Variants in HTR1D observed in about 807,000 individuals in gnomAD.
HTR1D encodes 5-hydroxytryptamine receptor 1D.
HTR1D carries 18 observed loss-of-function variants against 21.1 expected under a neutral mutation model. The ratio of observed to expected loss-of-function variants is 0.85; its 90% CI spans 0.59 to 1.27. The LOEUF is 1.27. Ranked by LOEUF, HTR1D falls within the 50% of genes most tolerant of loss-of-function variation. HTR1D has a pLI of 0.00. For missense variants in HTR1D, 456 were observed against 481.4 expected (o/e 0.95, Z 0.49); for synonymous variants, 196 against 204.4 (o/e 0.96, Z 0.35).
Position 23,192,329 on chromosome 1 carries a change from C to G in HTR1D, c.*757G>C, listed in dbSNP as rs897167784. The G allele has an allele frequency of 1.3e-5, 2 of 152,744 alleles. No individual in the cohort carries two copies. Among genetic ancestry groups the G allele is most frequent in the Middle Eastern group, 6.8e-3 (2 of 294 alleles). 9.5% of individuals were successfully genotyped at this position (152,744 alleles called of 1,614,324 possible). A position where few individuals can be genotyped will look rare whatever the true frequency, so the allele number is the denominator to read the frequency against. ...TGGATATTATTTTCCAATCAAGGTG[C>G]CACACAGAATGGAGACCCATCCTGG... is the stretch of plus-strand genomic sequence containing the variant. On this transcript the variant is annotated 3_prime_UTR_variant, in exon 2 of 2. Coordinates refer to ENST00000374619, the MANE Select transcript of HTR1D (RefSeq NM_000864.5).
Position 23,193,846 on chromosome 1 carries a change from G to A in HTR1D, c.374C>T (p.Ser125Phe), listed in dbSNP as rs574694014. ...AGCAATGACACAGAGATGCAGGATGGAGGCTGTGCAGCACGTGATGTCAGA... is the reference window on the plus strand; with the variant it reads ...AGCAATGACACAGAGATGCAGGATGAAGGCTGTGCAGCACGTGATGTCAGA... ...LSSDITCCTASILHLCVIALD... is the reference protein window; with the variant it reads ...LSSDITCCTAFILHLCVIALD... The change falls in exon 2 of 2, where the codon TCC (serine) becomes TTC (phenylalanine). Residue 125 changes from serine to phenylalanine, a missense_variant. Ser to Phe is a radical substitution (Grantham distance 155). Transcript: ENST00000374619. 9.3e-6 allele frequency: 15 copies of A among 1,614,244 alleles called. No individual in the cohort carries two copies. The South Asian group carries it at 1.4e-4, about 15-fold the overall frequency.
chr1:23,204,883 C>T (rs190629467), intron 1 of HTR1D, among the ~76,000 whole-genome samples: 1 of 152,280 alleles, frequency 6.6e-6, no homozygotes, highest in Non-Finnish European at 1.5e-5. Flanking sequence ...AGCAGAAATG[C>T]CCAGCCAAGG....
intron 1 of HTR1D, among the ~76,000 whole-genome samples, chr1:23,201,637 G>A (rs955264473): frequency 2.0e-4 from 30 of 152,048 alleles, no homozygotes; most frequent in Admixed American, 5.9e-4. Flanking sequence ...CTGCAGCCTC[G>A]ATCTCCCAGG....
At chr1:23,209,242 G>T (rs989306630) in intron 1 of HTR1D, among the ~76,000 whole-genome samples, 1 of 152,064 alleles carries the variant, frequency 6.6e-6, no homozygotes, top group Admixed American at 6.6e-5. Flanking sequence ...CAGGTGATCC[G>T]TCCGCCTCGG....
chr1:23,193,758 G>C lies in HTR1D; in HGVS notation c.462C>G (p.His154Gln). Residue 154 changes from histidine (H) to glutamine (Q), a missense_variant, in exon 2 of 2, where the codon CAC becomes CAG. Physicochemically the swap from His to Gln is conservative, Grantham distance 24. Transcript: ENST00000374619. ...LEYSKRRTAGHAATMIAIVWA... is the reference protein window; with the variant it reads ...LEYSKRRTAGQAATMIAIVWA... Reference sequence around the variant, plus strand: ...AGACAATGGCGATCATGGTGGCCGCGTGGCCAGCCGTCCTGCGTTTACTGT... The same window carrying C: ...AGACAATGGCGATCATGGTGGCCGCCTGGCCAGCCGTCCTGCGTTTACTGT... 4 of 1,614,138 alleles carry C rather than the reference G, an allele frequency of 2.5e-6. No individual in the cohort carries two copies. Among genetic ancestry groups the C allele is most frequent in the Non-Finnish European group, 3.4e-6 (4 of 1,180,004 alleles).
intron 1 of HTR1D, among the ~76,000 whole-genome samples, chr1:23,215,855 G>A (rs1413220433): frequency 6.6e-6 from 1 of 152,110 alleles, no homozygotes; most frequent in African/African-American, 2.4e-5. Context: ...GCTGCACTGG[G>A]ACTTACTTGT....
Position 23,193,758 on chromosome 1 carries a change from G to A in HTR1D, c.462C>T (p.His154=), listed in dbSNP as rs756080911. Residue 154 remains histidine (H), a synonymous_variant, in exon 2 of 2, where the codon CAC becomes CAT. Transcript: ENST00000374619. The stretch of plus-strand genomic sequence containing the variant: ...AGACAATGGCGATCATGGTGGCCGC[G>A]TGGCCAGCCGTCCTGCGTTTACTGT... ...LEYSKRRTAG[H]AATMIAIVWA... The A allele has an allele frequency of 9.9e-6, 16 of 1,614,020 alleles. No individual in the cohort carries two copies. The highest frequency in any genetic ancestry group is 5.0e-5 in the Admixed American group (3 of 59,998).
chr1:23,195,944 T>C (rs1446985281), intron 1 of HTR1D, among the ~76,000 whole-genome samples: 1 of 152,012 alleles, frequency 6.6e-6, no homozygotes, highest in East Asian at 1.9e-4. Flanking sequence ...CCTCCAACCT[T>C]AGCCTCCCAA....
rs1354645416 is a variant in HTR1D, at chr1:23,194,242, C to T, written c.-23G>A. The T allele has an allele frequency of 6.3e-7, 1 of 1,595,050 alleles. No individual in the cohort carries two copies. Among genetic ancestry groups the T allele is most frequent in the African/African-American group, 1.3e-5 (1 of 74,234 alleles). Reference sequence around the variant, plus strand: ...CATGCTAGGTGGCTCTCTCTTCCCACAGACCTCCACACATTTGGCTCCTTC... The same window carrying T: ...CATGCTAGGTGGCTCTCTCTTCCCATAGACCTCCACACATTTGGCTCCTTC... On this transcript the variant is annotated 5_prime_UTR_variant, in exon 2 of 2. In the 5' UTR this introduces an upstream ATG that the reference lacks. Transcript: ENST00000374619.
At chr1:23,215,526 G>A (rs1161524889) in intron 1 of HTR1D, among the ~76,000 whole-genome samples, 2 of 152,226 alleles carry the variant, frequency 1.3e-5, no homozygotes, top group Non-Finnish European at 2.9e-5. Context: ...GGAAACATCT[G>A]TGCAATGAAA....
At chr1:23,208,919 A>G (rs544927621) in intron 1 of HTR1D, among the ~76,000 whole-genome samples, 1 of 152,324 alleles carries the variant, frequency 6.6e-6, no homozygotes, top group South Asian at 2.1e-4. Flanking sequence ...AAAATATCTC[A>G]CTAATAAATG....
Position 23,193,266 on chromosome 1 carries a change from G to A in HTR1D, c.954C>T (p.Phe318=), listed in dbSNP as rs1458547229. 4.3e-6 allele frequency: 7 copies of A among 1,614,038 alleles called. No individual in the cohort carries two copies. Among genetic ancestry groups the A allele is most frequent in the Admixed American group, 3.3e-5 (2 of 59,980 alleles). ...AGATGGGGAGGACCAGAGACACCACGAAGAAGGGCAGCCAGCAGATGATAA... is the reference window on the plus strand; with the variant it reads ...AGATGGGGAGGACCAGAGACACCACAAAGAAGGGCAGCCAGCAGATGATAA... The part of the protein sequence containing the change: ...GAFIICWLPF[F]VVSLVLPICR... The change falls in exon 2 of 2, where the codon TTC becomes TTT. Residue 318 remains phenylalanine (F), a synonymous_variant. Coordinates refer to ENST00000374619, the MANE Select transcript of HTR1D (RefSeq NM_000864.5).
intron 1 of HTR1D, among the ~76,000 whole-genome samples, chr1:23,205,674 G>A (rs1644727298): frequency 6.6e-6 from 1 of 152,166 alleles, no homozygotes; most frequent in Non-Finnish European, 1.5e-5. Flanking sequence ...CTCCCGAGTA[G>A]CTGGGATTAC....
At chr1:23,204,733 T>G (rs1476151204) in intron 1 of HTR1D, among the ~76,000 whole-genome samples, 1 of 152,212 alleles carries the variant, frequency 6.6e-6, no homozygotes, top group African/African-American at 2.4e-5. Context: ...TTGCACTCTG[T>G]CATTGCCATC....
Position 23,205,669 on chromosome 1 carries a change from G to A in HTR1D, c.-782-10668C>T, listed in dbSNP as rs994259611. Among the ~76,000 whole-genome samples, 59 of 152,182 alleles carry A rather than the reference G, an allele frequency of 3.9e-4. 1 individual carries two copies. The highest frequency in any genetic ancestry group is 1.3e-3 in the African/African-American group (56 of 41,528). On this transcript the variant is annotated intron_variant, in intron 1 of 1. Transcript: ENST00000374619. ...AGTGATTCTCCTGCCTCAGCCTCCC[G>A]AGTAGCTGGGATTACAGGCATGCGC...
chr1:23,198,135 G>A (rs1413449743), intron 1 of HTR1D, among the ~76,000 whole-genome samples: 3 of 151,338 alleles, frequency 2.0e-5, no homozygotes, highest in African/African-American at 4.9e-5. Flanking sequence ...ACTTTGGGAG[G>A]CCAAGGCAGG....
chr1:23,197,091 C>G (rs1001332057), intron 1 of HTR1D, among the ~76,000 whole-genome samples: 5 of 152,140 alleles, frequency 3.3e-5, no homozygotes, highest in Non-Finnish European at 7.3e-5. Context: ...CAAACTCATG[C>G]GGTCACTCCT....
chr1:23,214,165 G>A (rs561881830), intron 1 of HTR1D, among the ~76,000 whole-genome samples: 149 of 152,252 alleles, frequency 9.8e-4, no homozygotes, highest in African/African-American at 2.7e-3. Context: ...AATGGCTCAC[G>A]CCTGTAATTC....
Position 23,193,069 on chromosome 1 carries a change from G to T in HTR1D, c.*17C>A. On this transcript the variant is annotated 3_prime_UTR_variant, in exon 2 of 2. Coordinates refer to ENST00000374619, the MANE Select transcript of HTR1D (RefSeq NM_000864.5). ...TTACAGGACACAAAAGATAACAAGA[G>T]TCATCACCGAATAAGACTAGGAGGC... The T allele has an allele frequency of 6.5e-7, 1 of 1,547,682 alleles. No homozygotes were observed. The highest frequency in any genetic ancestry group is 8.8e-7 in the Non-Finnish European group (1 of 1,139,616).
Sources: allele counts gnomAD v4.1 joint callset (sites outside exome capture counted in the v4.1 genomes callset), GRCh38; gene constraint gnomAD v4.1.1; transcripts MANE v1.5; gene names NCBI Gene and HGNC (gene_info 2026-07-23, HGNC 2026-07-21).